Variants in CADPS2 observed in about 807,000 individuals in gnomAD.
The protein encoded by CADPS2 is calcium dependent secretion activator 2.
Under a neutral mutation model 172.5 loss-of-function variants are expected in CADPS2, and 93 were observed. The ratio of observed to expected loss-of-function variants is 0.54; its 90% confidence interval spans 0.46 to 0.64. The LOEUF (loss-of-function observed/expected upper bound fraction) is 0.64. CADPS2 is among the 30% of genes least tolerant of loss of function. The probability of loss-of-function intolerance (pLI) is 0.00; values close to 1 mark genes in which losing one functional copy is unlikely to be tolerated. For missense variants in CADPS2, 1,420 were observed against 1,565.9 expected (o/e 0.91, Z 1.57); for synonymous variants, 546 against 555.2 (o/e 0.98, Z 0.23).
intron 1 of CADPS2, among the ~76,000 whole-genome samples, chr7:122,805,871 G>A (rs553995668): frequency 4.5e-4 from 69 of 152,310 alleles, no homozygotes; most frequent in Non-Finnish European, 8.8e-4. Context: ...CTTAAATTTG[G>A]ATAGGGCAGC....
chr7:122,752,746 T>C (rs776430208), intron 1 of CADPS2, among the ~76,000 whole-genome samples: 78 of 152,280 alleles, frequency 5.1e-4, no homozygotes, highest in Non-Finnish European at 1.3e-4. Context: ...TACAACAGGT[T>C]AATATATAAA....
At chr7:122,583,296 A>G (rs2069106974) in intron 6 of CADPS2, among the ~76,000 whole-genome samples, 1 of 152,048 alleles carries the variant, frequency 6.6e-6, no homozygotes, top group Non-Finnish European at 1.5e-5. Context: ...ATAAAGTGAA[A>G]ACCAACATTC....
intron 6 of CADPS2, among the ~76,000 whole-genome samples, chr7:122,609,266 C>T (rs1481891851): frequency 6.6e-6 from 1 of 152,062 alleles, no homozygotes; most frequent in Admixed American, 6.6e-5. Context: ...ATCTTATTCT[C>T]CCTTCACCAC....
chr7:122,568,431 C>CA (rs1337294392), intron 7 of CADPS2, among the ~76,000 whole-genome samples: 1 of 151,494 alleles, frequency 6.6e-6, no homozygotes, highest in African/African-American at 2.4e-5. Flanking sequence ...AAACATGAGG[C>CA]AAAAAAAGAT....
intron 6 of CADPS2, among the ~76,000 whole-genome samples, chr7:122,602,968 C>T (rs527563921): frequency 2.8e-4 from 42 of 152,158 alleles, no homozygotes; most frequent in African/African-American, 9.4e-4. Context: ...ACATGGAAGA[C>T]ATGGCTGCAA....
chr7:122,781,140 T>C (rs1396893645), intron 1 of CADPS2, among the ~76,000 whole-genome samples: 2 of 152,230 alleles, frequency 1.3e-5, no homozygotes, highest in Non-Finnish European at 2.9e-5. Flanking sequence ...TAACCTTTGT[T>C]GTTACTTTAA....
chr7:122,581,296 A>C lies in CADPS2; in HGVS notation c.1224-6T>G. On this transcript the variant is annotated splice_polypyrimidine_tract_variant and splice_region_variant and intron_variant, in intron 6 of 29. Transcript: ENST00000449022. ...AATCTCCTTGAGTCCCCCATCTGTA[A>C]TGAAGTAAAAAAAATGTTTCTTAAA... 1 of 1,607,058 alleles carries C rather than the reference A, an allele frequency of 6.2e-7. No homozygotes were observed. Among genetic ancestry groups the C allele is most frequent in the Non-Finnish European group, 8.5e-7 (1 of 1,174,194 alleles).
intron 5 of CADPS2, among the ~76,000 whole-genome samples, chr7:122,615,710 T>C (rs989095234): frequency 1.3e-5 from 2 of 152,048 alleles, no homozygotes; most frequent in Non-Finnish European, 2.9e-5. Context: ...ATAGTATATA[T>C]TATTGGTAAA....
At chr7:122,502,775 A>G (rs879179692) in intron 9 of CADPS2, among the ~76,000 whole-genome samples, 7 of 152,114 alleles carry the variant, frequency 4.6e-5, no homozygotes, top group Admixed American at 3.3e-4. Context: ...TAAGTTTCAC[A>G]TGTCTGAGAT....
At chr7:122,875,079 A>T (rs2141594410) in intron 1 of CADPS2, among the ~76,000 whole-genome samples, 1 of 152,324 alleles carries the variant, frequency 6.6e-6, no homozygotes, top group African/African-American at 2.4e-5. Flanking sequence ...TTGTTGCATA[A>T]TTTTCCTCAA....
At chr7:122,466,369 G>T (rs1344518927) in intron 14 of CADPS2, among the ~76,000 whole-genome samples, 1 of 152,200 alleles carries the variant, frequency 6.6e-6, no homozygotes, top group Non-Finnish European at 1.5e-5. Context: ...GGATGACGGG[G>T]TTCTAGGCTC....
chr7:122,450,943 T>C (rs1332096859), intron 15 of CADPS2, among the ~76,000 whole-genome samples: 3 of 152,046 alleles, frequency 2.0e-5, no homozygotes, highest in Non-Finnish European at 4.4e-5. Context: ...GGGTTACAAG[T>C]GACAAGACAA....
chr7:122,749,772 A>C (rs561532558), intron 1 of CADPS2, among the ~76,000 whole-genome samples: 2 of 152,110 alleles, frequency 1.3e-5, no homozygotes, highest in African/African-American at 2.4e-5. Flanking sequence ...TAGCAAATTC[A>C]AGGATTTGTG....
chr7:122,378,243 T>C (rs2042580180), intron 25 of CADPS2, among the ~76,000 whole-genome samples: 1 of 152,234 alleles, frequency 6.6e-6, no homozygotes, highest in African/African-American at 2.4e-5. Flanking sequence ...GTACCAATAA[T>C]ATATATTTTG....
In CADPS2 at chr7:122,608,177, T is replaced by C. The variant is rs560392538; in HGVS notation, c.1223+7004A>G. ...ATTGCAGTGAGCTGTGAGTGCACCA[T>C]TGCACTCCAGCCTGGTGACAGAGCG... On this transcript the variant is annotated intron_variant, in intron 6 of 29. Transcript: ENST00000449022. Among the ~76,000 whole-genome samples, 21 of 150,574 alleles carry C rather than the reference T, an allele frequency of 1.4e-4. No homozygotes were observed. In the South Asian group the frequency reaches 1.7e-3, roughly 12 times the overall value.
At chr7:122,516,341 C>G (rs2060373115) in intron 8 of CADPS2, among the ~76,000 whole-genome samples, 1 of 152,014 alleles carries the variant, frequency 6.6e-6, no homozygotes, top group African/African-American at 2.4e-5. Flanking sequence ...TCAAAATCAG[C>G]TTAGGCAACA....
At chr7:122,761,141 G>A (rs1451111631) in intron 1 of CADPS2, among the ~76,000 whole-genome samples, 2 of 152,114 alleles carry the variant, frequency 1.3e-5, no homozygotes, top group Non-Finnish European at 2.9e-5. Context: ...ACTATTTTGG[G>A]AAAACACTGA....
chr7:122,390,443 T>C (rs2044231776), intron 22 of CADPS2, among the ~76,000 whole-genome samples: 1 of 152,120 alleles, frequency 6.6e-6, no homozygotes, highest in South Asian at 2.1e-4. Flanking sequence ...CAAATCTGCT[T>C]CTTATAATAT....
chr7:122,490,969 A>G (rs1008481586), intron 10 of CADPS2, among the ~76,000 whole-genome samples: 1 of 152,132 alleles, frequency 6.6e-6, no homozygotes, highest in Non-Finnish European at 1.5e-5. Flanking sequence ...GTTATAATAT[A>G]ATAATTCATT....
Sources: allele counts gnomAD v4.1 joint callset (sites outside exome capture counted in the v4.1 genomes callset), GRCh38; gene constraint gnomAD v4.1.1; transcripts MANE v1.5; gene names NCBI Gene and HGNC (gene_info 2026-07-23, HGNC 2026-07-21).